UVRAG: variants seen among roughly 807,000 people sequenced by gnomAD.
The protein encoded by UVRAG is UV radiation resistance associated, also known as UV radiation resistance-associated gene protein.
A neutral mutation model predicts 78.0 loss-of-function variants in UVRAG; 19 were observed. The ratio of observed to expected loss-of-function variants is 0.24; its 90% confidence interval spans 0.17 to 0.36. The LOEUF (loss-of-function observed/expected upper bound fraction) is 0.36, where lower values mean the gene tolerates loss of function less well. Ranked by LOEUF, UVRAG falls within the 10% of genes least tolerant of loss-of-function variation. UVRAG has a pLI of 1.00. For missense variants in UVRAG, 740 were observed against 853.8 expected (o/e 0.87, Z 1.66); for synonymous variants, 323 against 324.6 (o/e 1.00, Z 0.05).
rs1056155252 is a variant in UVRAG, at chr11:76,007,521, C to A, written c.912-13C>A. On this transcript the variant is annotated splice_polypyrimidine_tract_variant and intron_variant, in intron 9 of 14. Coordinates refer to ENST00000356136, the MANE Select transcript of UVRAG (RefSeq NM_003369.4). Reference sequence around the variant, plus strand: ...ATATTTTTTAATAAATGTATTTTTTCTTTCCTCATTAGAGAACTCTTCTTG... The same window carrying A: ...ATATTTTTTAATAAATGTATTTTTTATTTCCTCATTAGAGAACTCTTCTTG... The A allele has an allele frequency of 3.8e-6, 6 of 1,592,020 alleles. No homozygotes were observed. In the African/African-American group the frequency reaches 6.8e-5, roughly 18 times the overall value.
intron 12 of UVRAG, among the ~76,000 whole-genome samples, chr11:76,053,343 A>ACACACACACACACACACACACACACACAC (rs61533528): frequency 2.0e-5 from 3 of 146,976 alleles, no homozygotes; most frequent in Non-Finnish European, 3.0e-5. Context: ...ACACACACAC[A>ACACACACACACACACACACACACACACAC]AAAATAAATA....
chr11:75,977,941 G>C (rs989933236), intron 7 of UVRAG, among the ~76,000 whole-genome samples: 5 of 152,158 alleles, frequency 3.3e-5, no homozygotes, highest in African/African-American at 1.2e-4. Context: ...TTGCTCGTTA[G>C]TTGATGCAGT....
chr11:76,038,851 C>T (rs965107490), intron 12 of UVRAG, among the ~76,000 whole-genome samples: 1 of 152,148 alleles, frequency 6.6e-6, no homozygotes, highest in East Asian at 1.9e-4. Flanking sequence ...TGACAGCTAG[C>T]AAGGAACTAG....
At chr11:76,117,094 G>A (rs889008591) in intron 14 of UVRAG, among the ~76,000 whole-genome samples, 1 of 152,202 alleles carries the variant, frequency 6.6e-6, no homozygotes, top group Non-Finnish European at 1.5e-5. Context: ...AAGTGAGCTA[G>A]CAGGTATTTA....
chr11:76,100,009 T>TG (rs779423732), intron 13 of UVRAG, among the ~76,000 whole-genome samples: 3 of 152,138 alleles, frequency 2.0e-5, no homozygotes, highest in Non-Finnish European at 4.4e-5. Context: ...ATTTTTGACT[T>TG]GTGACCATTA....
intron 12 of UVRAG, among the ~76,000 whole-genome samples, chr11:76,037,997 A>G (rs986018045): frequency 6.6e-6 from 1 of 150,428 alleles, no homozygotes; most frequent in Non-Finnish European, 1.5e-5. Flanking sequence ...AAAAATACAG[A>G]TTTTTTTTTT....
intron 13 of UVRAG, among the ~76,000 whole-genome samples, chr11:76,099,834 T>G (rs1404133342): frequency 6.6e-6 from 1 of 152,146 alleles, no homozygotes; most frequent in African/African-American, 2.4e-5. Context: ...TTGTTTGTGA[T>G]GAGTTTTCAT....
intron 7 of UVRAG, among the ~76,000 whole-genome samples, chr11:75,979,359 T>C (rs1021736479): frequency 1.3e-5 from 2 of 152,200 alleles, no homozygotes; most frequent in Non-Finnish European, 2.9e-5. Context: ...TCCGTTCCCA[T>C]ATCTCAAACT....
chr11:75,980,928 G>A (rs1373662999), intron 7 of UVRAG, among the ~76,000 whole-genome samples: 2 of 151,944 alleles, frequency 1.3e-5, no homozygotes, highest in South Asian at 2.1e-4. Context: ...TGATCCACGT[G>A]CCTCAGTCTC....
chr11:76,047,364 G>A (rs1439667747), intron 12 of UVRAG, among the ~76,000 whole-genome samples: 1 of 152,144 alleles, frequency 6.6e-6, no homozygotes. Context: ...AGCTGTGGGA[G>A]GCTGTTTTGA....
rs181423203 is a variant in UVRAG, at chr11:75,922,665, T to G, written c.593+10626T>G. 2.5e-4 allele frequency among the ~76,000 whole-genome samples: 38 copies of G among 152,266 alleles called. 1 individual carries two copies. The East Asian group carries it at 7.1e-3, about 29-fold the overall frequency. On this transcript the variant is annotated intron_variant, in intron 6 of 14. Coordinates refer to ENST00000356136, the MANE Select transcript of UVRAG (RefSeq NM_003369.4). ...ATTTTCTGTTAATTTTGAAAACTAT[T>G]GGCCGGGCGTGGTGGCTCATGCCTG...
At chr11:75,950,152 T>C (rs1565394821) in intron 6 of UVRAG, among the ~76,000 whole-genome samples, 1 of 152,228 alleles carries the variant, frequency 6.6e-6, no homozygotes, top group Non-Finnish European at 1.5e-5. Flanking sequence ...TATTCATTAT[T>C]CTGTTGATGG....
chr11:76,039,757 C>T (rs1950607672), intron 12 of UVRAG, among the ~76,000 whole-genome samples: 3 of 152,156 alleles, frequency 2.0e-5, no homozygotes, highest in Admixed American at 2.0e-4. Context: ...CACCTGTAGT[C>T]CCAGCTACTT....
At chr11:76,110,030 A>G (rs1402881971) in intron 13 of UVRAG, among the ~76,000 whole-genome samples, 1 of 152,100 alleles carries the variant, frequency 6.6e-6, no homozygotes, top group African/African-American at 2.4e-5. Context: ...TTAGCATTTA[A>G]AAAAGTGAAC....
In UVRAG at chr11:76,016,953, A is replaced by T. The variant is rs1334268790; in HGVS notation, c.1199A>T (p.Asn400Ile). Residue 400 changes from asparagine to isoleucine, a missense_variant, in exon 12 of 15, where the codon AAT becomes ATT. Coordinates refer to ENST00000356136, the MANE Select transcript of UVRAG (RefSeq NM_003369.4). ...AGATCAACAATCAAAGACAATATCA[A>T]TGACAAACTGACGGAAAAGGAGAGA... ...GSRSTIKDNI[N>I]DKLTEKEREF... The T allele has an allele frequency of 3.1e-6, 5 of 1,606,006 alleles. No homozygotes were observed. The highest frequency in any genetic ancestry group is 4.3e-6 in the Non-Finnish European group (5 of 1,175,870).
chr11:75,855,921 A>G (rs1237173995), intron 2 of UVRAG, among the ~76,000 whole-genome samples: 1 of 152,238 alleles, frequency 6.6e-6, no homozygotes, highest in Non-Finnish European at 1.5e-5. Flanking sequence ...TCCCCAGAGA[A>G]CAAAGCCTTG....
chr11:75,880,553 C>T (rs927961392), intron 4 of UVRAG, among the ~76,000 whole-genome samples: 1 of 151,976 alleles, frequency 6.6e-6, no homozygotes, highest in African/African-American at 2.4e-5. Context: ...TAGTAGATTA[C>T]AGTTCTCTTT....
chr11:76,050,607 GTC>G (rs1270808420), intron 12 of UVRAG, among the ~76,000 whole-genome samples: 1 of 152,156 alleles, frequency 6.6e-6, no homozygotes, highest in Non-Finnish European at 1.5e-5. Flanking sequence ...AAAATATGCT[GTC>G]TCTCTTGAGA....
At chr11:75,907,782 G>A (rs916228568) in intron 5 of UVRAG, among the ~76,000 whole-genome samples, 1 of 151,672 alleles carries the variant, frequency 6.6e-6, no homozygotes, top group African/African-American at 2.4e-5. Flanking sequence ...TCCTGCCTGT[G>A]CCTCCCAAAG....
Sources: gnomAD v4.1 joint callset for allele counts (sites outside exome capture counted in the v4.1 genomes callset) on GRCh38, gnomAD v4.1.1 for gene constraint, MANE v1.5 for transcripts, NCBI Gene and HGNC (gene_info 2026-07-23, HGNC 2026-07-21) for gene names.